KIAA1217: variants seen among roughly 807,000 people sequenced by gnomAD.
KIAA1217 encodes sickle tail protein homolog.
KIAA1217 carries 88 observed loss-of-function variants against 163.9 expected under a neutral mutation model. The ratio of observed to expected loss-of-function variants is 0.54; its 90% CI spans 0.45 to 0.64. The LOEUF is 0.64. Ranked by LOEUF, KIAA1217 falls within the 30% of genes least tolerant of loss-of-function variation. The pLI is 0.00. For synonymous variants in KIAA1217, 903 were observed against 923.1 expected (o/e 0.98, Z 0.39); for missense variants, 2,372 against 2,475.0 (o/e 0.96, Z 0.88).
intron 20 of KIAA1217, 79 bp downstream of exon 20, chr10:24,545,182 T>C: frequency 6.3e-7 from 1 of 1,576,682 alleles, no homozygotes; most frequent in Admixed American, 1.7e-5. Flanking sequence ...TACCAAATAT[T>C]GTGCTTTCTT....
In KIAA1217 at chr10:24,430,731, G is replaced by A. The variant is rs117243817; in HGVS notation, c.554-2264G>A. Among the ~76,000 whole-genome samples, 728 of 152,260 alleles carry A rather than the reference G, an allele frequency of 4.8e-3. 22 individuals carry two copies. Among genetic ancestry groups the A allele is most frequent in the East Asian group, 0.035 (181 of 5,170 alleles). On this transcript the variant is annotated intron_variant, in intron 3 of 20. Coordinates refer to ENST00000376454, the MANE Select transcript of KIAA1217 (RefSeq NM_019590.5). ...ATGCGCAGTTCACAGTAGGGTTCAC[G>A]CTCCTATGAGAATCTTATGCTGCTG...
At chr10:24,205,664 T>A (rs946813967), upstream of KIAA1217, among the ~76,000 whole-genome samples, 11 of 151,528 alleles carry the variant, frequency 7.3e-5, no homozygotes, top group Non-Finnish European at 1.5e-4. Context: ...TCCCAGCTAC[T>A]TGGGAGGCTG....
At chr10:23,988,160 G>A (rs964253378) in intron 1 of KIAA1217, among the ~76,000 whole-genome samples, 6 of 152,260 alleles carry the variant, frequency 3.9e-5, no homozygotes, top group African/African-American at 1.2e-4. Flanking sequence ...TGAGAACTCC[G>A]TTTTCTAGAA....
chr10:24,078,145 A>T (rs2061426145), intron 2 of KIAA1217, among the ~76,000 whole-genome samples: 1 of 152,200 alleles, frequency 6.6e-6, no homozygotes, highest in African/African-American at 2.4e-5. Flanking sequence ...GGTTGTCTGT[A>T]AAACTACCAT....
intron 1 of KIAA1217, among the ~76,000 whole-genome samples, chr10:23,807,544 G>A (rs926513632): frequency 1.3e-4 from 20 of 152,332 alleles, no homozygotes; most frequent in Middle Eastern, 6.8e-3. Flanking sequence ...TTATAAAACA[G>A]TCAGATGGAG....
chr10:23,871,615 C>T (rs115159761), intron 1 of KIAA1217, among the ~76,000 whole-genome samples: 1 of 151,674 alleles, frequency 6.6e-6, no homozygotes, highest in African/African-American at 2.4e-5. Flanking sequence ...CTAGGATTTA[C>T]CCAAACATCT....
intron 5 of KIAA1217, among the ~76,000 whole-genome samples, chr10:24,464,510 G>T (rs1460456804): frequency 6.6e-6 from 1 of 152,024 alleles, no homozygotes; most frequent in Non-Finnish European, 1.5e-5. Context: ...TGGAGCCAGG[G>T]TCTCACTCTG....
intron 2 of KIAA1217, among the ~76,000 whole-genome samples, chr10:24,114,051 A>G (rs1212314034): frequency 2.0e-5 from 3 of 152,160 alleles, no homozygotes; most frequent in South Asian, 2.1e-4. Flanking sequence ...GATAATCTAC[A>G]TCGGCAAAAG....
intron 2 of KIAA1217, among the ~76,000 whole-genome samples, chr10:24,143,707 G>A (rs1034309199): frequency 3.3e-5 from 5 of 151,754 alleles, no homozygotes; most frequent in African/African-American, 1.2e-4. Flanking sequence ...GGAGAACCAG[G>A]GTGTGATTGG....
At chr10:24,316,556 C>T (rs148293698) in intron 2 of KIAA1217, among the ~76,000 whole-genome samples, 10 of 152,258 alleles carry the variant, frequency 6.6e-5, no homozygotes, top group Non-Finnish European at 8.8e-5. Flanking sequence ...CTAGTGGACT[C>T]GATCAACTCC....
At chr10:24,480,586 CA>C (rs2064553255) in intron 6 of KIAA1217, among the ~76,000 whole-genome samples, 1 of 152,166 alleles carries the variant, frequency 6.6e-6, no homozygotes, top group Non-Finnish European at 1.5e-5. Context: ...CCACAGGATG[CA>C]ACAACTCATT....
At chr10:24,252,161 T>G (rs2074626452) in intron 2 of KIAA1217, among the ~76,000 whole-genome samples, 1 of 152,144 alleles carries the variant, frequency 6.6e-6, no homozygotes. Context: ...CCTTCAAGAT[T>G]ACTTAGTTAA....
chr10:23,700,502 GT>G (rs1406672930), intron 1 of KIAA1217, among the ~76,000 whole-genome samples: 5 of 148,890 alleles, frequency 3.4e-5, no homozygotes, highest in African/African-American at 1.2e-4. Flanking sequence ...TTCTCTCATA[GT>G]AAAAAAAAAA....
chr10:23,761,738 G>A (rs1834270069), intron 1 of KIAA1217, among the ~76,000 whole-genome samples: 1 of 151,952 alleles, frequency 6.6e-6, no homozygotes. Context: ...CTTTTGATTT[G>A]GGGTACAGAG....
chr10:24,359,605 A>C (rs929847035), intron 2 of KIAA1217, among the ~76,000 whole-genome samples: 9 of 152,222 alleles, frequency 5.9e-5, no homozygotes, highest in Admixed American at 3.3e-4. Flanking sequence ...TAAGTGTTGA[A>C]AATGAAGCTT....
intron 2 of KIAA1217, among the ~76,000 whole-genome samples, chr10:24,285,073 A>T (rs2078407167): frequency 6.6e-6 from 1 of 151,746 alleles, no homozygotes. Context: ...CTTACTTTTT[A>T]ATGGGGTGGT....
chr10:24,141,895 T>C (rs917898494), intron 2 of KIAA1217, among the ~76,000 whole-genome samples: 1 of 152,154 alleles, frequency 6.6e-6, no homozygotes, highest in Non-Finnish European at 1.5e-5. Context: ...TTATGTGTTT[T>C]GTGTTCTAAA....
In KIAA1217 at chr10:24,473,153, C is replaced by T; in HGVS notation, c.847-75C>T. The T allele has an allele frequency of 4.9e-6, 5 of 1,029,854 alleles. No homozygotes were observed. The Admixed American group carries it at 7.1e-5, about 15-fold the overall frequency. 63.8% of individuals were successfully genotyped at this position (1,029,854 alleles called of 1,614,324 possible). A position where few individuals can be genotyped will look rare whatever the true frequency, so the allele number is the denominator to read the frequency against. ...TGTATACATCTTGCAGGGGAAGTCACACGGTTACACACTGAGACTTCTCTT... is the reference window on the plus strand; with the variant it reads ...TGTATACATCTTGCAGGGGAAGTCATACGGTTACACACTGAGACTTCTCTT... On this transcript the variant is annotated intron_variant, in intron 5 of 20. Transcript: ENST00000376454.
intron 2 of KIAA1217, among the ~76,000 whole-genome samples, chr10:24,340,273 A>G (rs1310819434): frequency 6.6e-6 from 1 of 152,176 alleles, no homozygotes; most frequent in East Asian, 1.9e-4. Flanking sequence ...TGTCGTGGGA[A>G]GAACCCGGTG....
Sources: gnomAD v4.1 joint callset for allele counts (sites outside exome capture counted in the v4.1 genomes callset) on GRCh38, gnomAD v4.1.1 for gene constraint, MANE v1.5 for transcripts, NCBI Gene and HGNC (gene_info 2026-07-23, HGNC 2026-07-21) for gene names.